RBFOX1: variants seen among roughly 807,000 people sequenced by gnomAD.
The protein encoded by RBFOX1 is RNA binding protein fox-1 homolog 1.
A neutral mutation model predicts 57.7 loss-of-function variants in RBFOX1; 8 were observed. The observed-to-expected ratio is 0.14, with a 90% CI of 0.08 to 0.25. The LOEUF (loss-of-function observed/expected upper bound fraction) is 0.25. Among genes scored for constraint, RBFOX1 ranks in the 10% least tolerant of loss-of-function variants. The pLI is 1.00. For synonymous variants in RBFOX1, 326 were observed against 222.4 expected (o/e 1.47, Z -4.15); for missense variants, 611 against 548.5 (o/e 1.11, Z -1.14).
At chr16:7,281,450 A>T (rs114438782) in intron 4 of RBFOX1, among the ~76,000 whole-genome samples, 2 of 152,088 alleles carry the variant, frequency 1.3e-5, no homozygotes, top group African/African-American at 4.8e-5. Context: ...TCTCTTCTAT[A>T]AAACACAGAT....
chr16:7,514,360 G>C (rs1331690084), intron 4 of RBFOX1, among the ~76,000 whole-genome samples: 1 of 152,118 alleles, frequency 6.6e-6, no homozygotes, highest in Non-Finnish European at 1.5e-5. Flanking sequence ...AGAGCCCAGA[G>C]GTCATTTTTC....
intron 4 of RBFOX1, among the ~76,000 whole-genome samples, chr16:7,499,900 A>C (rs1439349420): frequency 6.6e-6 from 1 of 152,158 alleles, no homozygotes; most frequent in Non-Finnish European, 1.5e-5. Context: ...AAAAAGAAAA[A>C]AAAAAAACAT....
intron 1 of RBFOX1, among the ~76,000 whole-genome samples, chr16:6,192,362 A>G (rs1483583098): frequency 6.6e-6 from 1 of 152,040 alleles, no homozygotes; most frequent in Admixed American, 6.6e-5. Flanking sequence ...TTCTGAAGGA[A>G]CGGCAGATAA....
At chr16:7,692,085 G>A (rs1598229209) in intron 14 of RBFOX1, among the ~76,000 whole-genome samples, 1 of 152,064 alleles carries the variant, frequency 6.6e-6, no homozygotes. Context: ...CTCTAACATA[G>A]GGAATCTGGG....
At chr16:7,638,108 C>T (rs537329570) in intron 11 of RBFOX1, among the ~76,000 whole-genome samples, 6 of 152,246 alleles carry the variant, frequency 3.9e-5, no homozygotes, top group African/African-American at 1.4e-4. Flanking sequence ...TTCCTCCCTT[C>T]CACCCCCCAC....
At chr16:7,659,842 G>A (rs752601855) in intron 12 of RBFOX1, among the ~76,000 whole-genome samples, 1 of 151,954 alleles carries the variant, frequency 6.6e-6, no homozygotes, top group African/African-American at 2.4e-5. Context: ...CCTTTTTTTG[G>A]AGGGGAGAAT....
intron 4 of RBFOX1, among the ~76,000 whole-genome samples, chr16:7,488,816 A>G (rs1254227820): frequency 1.3e-5 from 2 of 152,148 alleles, no homozygotes; most frequent in Non-Finnish European, 2.9e-5. Flanking sequence ...CTATCCATCC[A>G]TCTATCCATC....
intron 4 of RBFOX1, among the ~76,000 whole-genome samples, chr16:7,075,964 C>A (rs946369825): frequency 6.6e-5 from 10 of 151,994 alleles, no homozygotes; most frequent in South Asian, 4.1e-4. Context: ...CACTTTGCCA[C>A]CGTCCTTGCA....
chr16:5,808,223 C>G (rs1329044386), intron 3 of RBFOX1, among the ~76,000 whole-genome samples: 1 of 152,120 alleles, frequency 6.6e-6, no homozygotes, highest in East Asian at 1.9e-4. Flanking sequence ...AGAGTGAAGA[C>G]CAAGAAAAGA....
intron 14 of RBFOX1, among the ~76,000 whole-genome samples, chr16:7,697,906 A>G (rs1568527252): frequency 6.6e-6 from 1 of 152,174 alleles, no homozygotes; most frequent in Non-Finnish European, 1.5e-5. Context: ...CTGGAATTTT[A>G]TTTAACTTGG....
intron 3 of RBFOX1, among the ~76,000 whole-genome samples, chr16:6,664,149 T>C (rs943430658): frequency 1.8e-4 from 27 of 152,206 alleles, no homozygotes; most frequent in African/African-American, 6.5e-4. Context: ...GTCAGTTCCC[T>C]TCTGGTCCAG....
chr16:6,032,112 T>G (rs1468427112), intron 1 of RBFOX1, among the ~76,000 whole-genome samples: 1 of 152,130 alleles, frequency 6.6e-6, no homozygotes, highest in Non-Finnish European at 1.5e-5. Flanking sequence ...TCTTAAAGGT[T>G]CTGTTTTTAG....
chr16:7,579,153 T>C (rs2093560930), intron 5 of RBFOX1, among the ~76,000 whole-genome samples: 1 of 152,222 alleles, frequency 6.6e-6, no homozygotes, highest in Non-Finnish European at 1.5e-5. Flanking sequence ...AATTGTCACA[T>C]GTGGTCAACT....
At chr16:6,686,206 C>G (rs1444773582) in intron 3 of RBFOX1, among the ~76,000 whole-genome samples, 1 of 152,158 alleles carries the variant, frequency 6.6e-6, no homozygotes, top group East Asian at 1.9e-4. Context: ...TTCCACGGTT[C>G]AGATGTTCTT....
chr16:6,941,285 T>TCTCTCCCTC (rs2078424764), intron 3 of RBFOX1, among the ~76,000 whole-genome samples: 2 of 60,934 alleles, frequency 3.3e-5, no homozygotes, highest in African/African-American at 9.8e-5. Flanking sequence ...CTCCCTTCCC[T>TCTCTCCCTC]CCTTCCCTCC....
intron 1 of RBFOX1, among the ~76,000 whole-genome samples, chr16:5,405,389 A>G: frequency 6.6e-6 from 1 of 152,202 alleles, no homozygotes; most frequent in East Asian, 1.9e-4. Flanking sequence ...ATTTTATAAA[A>G]AGGAGTTCCC....
intron 14 of RBFOX1, among the ~76,000 whole-genome samples, chr16:7,701,599 C>T (rs544554274): frequency 6.6e-6 from 1 of 152,176 alleles, no homozygotes; most frequent in Admixed American, 6.5e-5. Context: ...CCAGGGACTT[C>T]TCCTCTAGGT....
At chr16:5,856,280 T>G in intron 3 of RBFOX1, among the ~76,000 whole-genome samples, 1 of 28,516 alleles carries the variant, frequency 3.5e-5, no homozygotes, top group Admixed American at 6.8e-4. Flanking sequence ...TATACACATA[T>G]ATATACACAC....
intron 4 of RBFOX1, among the ~76,000 whole-genome samples, chr16:7,427,056 C>G (rs879136372): frequency 6.6e-6 from 1 of 152,126 alleles, no homozygotes; most frequent in Non-Finnish European, 1.5e-5. Context: ...TAGGTGGGAA[C>G]TGAACAATGA....
Sources: allele counts gnomAD v4.1 joint callset (sites outside exome capture counted in the v4.1 genomes callset), GRCh38; gene constraint gnomAD v4.1.1; transcripts MANE v1.5; gene names NCBI Gene and HGNC (gene_info 2026-07-23, HGNC 2026-07-21).